Variants in FSTL4 observed in about 807,000 individuals in gnomAD.
FSTL4 encodes the protein follistatin-related protein 4.
FSTL4 carries 28 observed loss-of-function variants against 78.2 expected under a neutral mutation model. The observed-to-expected ratio is 0.36, with a 90% CI of 0.27 to 0.49. FSTL4 has a LOEUF of 0.49. Among genes scored for constraint, FSTL4 ranks in the 20% least tolerant of loss-of-function variants. The pLI, the probability that FSTL4 is intolerant of heterozygous loss-of-function variation, is 0.98. For synonymous variants in FSTL4, 422 were observed against 440.5 expected (o/e 0.96, Z 0.53); for missense variants, 922 against 1,084.9 (o/e 0.85, Z 2.11).
At position 133,259,902 on chromosome 5, in the gene FSTL4, G is replaced by A. The variant is rs78543687; in HGVS notation, c.728-10326C>T. ...TTCCTGTGGTGAAGCAGGCTGGGAG[G>A]GGAGGTCCAGGGACCCCACACAACA... On this transcript the variant is annotated intron_variant, in intron 6 of 15. Coordinates refer to ENST00000265342, the MANE Select transcript of FSTL4 (RefSeq NM_015082.2). Among the ~76,000 whole-genome samples, 148 of 152,202 alleles carry A rather than the reference G, an allele frequency of 9.7e-4. 1 individual carries two copies. The highest frequency in any genetic ancestry group is 3.4e-3 in the African/African-American group (142 of 41,530).
intron 4 of FSTL4, among the ~76,000 whole-genome samples, chr5:133,378,002 C>T (rs1458736135): frequency 6.6e-6 from 1 of 151,752 alleles, no homozygotes; most frequent in Non-Finnish European, 1.5e-5. Flanking sequence ...ATTCAATGTG[C>T]TAAAAAACAA....
chr5:133,553,702 C>T (rs927339736), intron 3 of FSTL4, among the ~76,000 whole-genome samples: 6 of 152,156 alleles, frequency 3.9e-5, no homozygotes, highest in African/African-American at 1.4e-4. Context: ...GTGCCCCCTC[C>T]CATATAATCT....
intron 8 of FSTL4, among the ~76,000 whole-genome samples, chr5:133,227,376 C>G (rs1050183253): frequency 1.3e-5 from 2 of 152,110 alleles, no homozygotes; most frequent in Non-Finnish European, 2.9e-5. Flanking sequence ...TTCTCTGACC[C>G]GTTTGATCCA....
chr5:133,713,004 A>C, the FSTL4 span, among the ~76,000 whole-genome samples: 2 of 152,202 alleles, frequency 1.3e-5, no homozygotes, highest in Non-Finnish European at 2.9e-5. Context: ...TACTCTTGAC[A>C]GCATAACCAA....
intron 3 of FSTL4, among the ~76,000 whole-genome samples, chr5:133,513,762 G>A (rs1480497621): frequency 4.6e-5 from 7 of 152,208 alleles, no homozygotes; most frequent in African/African-American, 1.7e-4. Flanking sequence ...GGGGATAGAG[G>A]TGGGAGTAGA....
At chr5:133,806,915 G>A in the FSTL4 span, among the ~76,000 whole-genome samples, 5 of 152,214 alleles carry the variant, frequency 3.3e-5, no homozygotes, top group African/African-American at 4.8e-5. Flanking sequence ...CCCAGTCTTT[G>A]CAGAGCCCAC....
chr5:133,304,298 T>C (rs1753610917), intron 6 of FSTL4, among the ~76,000 whole-genome samples: 1 of 152,196 alleles, frequency 6.6e-6, no homozygotes, highest in Non-Finnish European at 1.5e-5. Flanking sequence ...TTTACTAACA[T>C]TCAGAGAGCT....
At chr5:133,371,382 C>T (rs891953452) in intron 4 of FSTL4, among the ~76,000 whole-genome samples, 6 of 152,144 alleles carry the variant, frequency 3.9e-5, no homozygotes, top group South Asian at 4.1e-4. Flanking sequence ...ATGTAGGTCT[C>T]GTGAAATTTA....
chr5:133,617,118 G>T (rs1761213281), upstream of FSTL4, among the ~76,000 whole-genome samples: 1 of 151,982 alleles, frequency 6.6e-6, no homozygotes, highest in Admixed American at 6.6e-5. Flanking sequence ...GGCCAACATG[G>T]TGAAACTCCG....
the FSTL4 span, among the ~76,000 whole-genome samples, chr5:133,777,420 C>T: frequency 6.6e-6 from 1 of 152,070 alleles, no homozygotes; most frequent in Admixed American, 6.5e-5. Context: ...TTTCTTATAA[C>T]AGATATCAAT....
chr5:133,606,700 A>G (rs190436921), intron 1 of FSTL4, among the ~76,000 whole-genome samples: 83 of 152,374 alleles, frequency 5.4e-4, no homozygotes, highest in African/African-American at 1.8e-3. Context: ...CCTAGCTCAC[A>G]TAAACGAAAA....
At chr5:133,233,366 G>A in intron 8 of FSTL4, 51 bp downstream of exon 8, 1 of 1,605,408 alleles carries the variant, frequency 6.2e-7, no homozygotes, top group Non-Finnish European at 8.5e-7. Flanking sequence ...GATCTGAGCA[G>A]CAGTTTGGGG....
intron 3 of FSTL4, among the ~76,000 whole-genome samples, chr5:133,466,895 A>AGT (rs370779484): frequency 8.0e-5 from 12 of 150,644 alleles, no homozygotes; most frequent in East Asian, 5.9e-4. Context: ...TGTCAGTGTG[A>AGT]GTGTGTGTGT....
intron 4 of FSTL4, among the ~76,000 whole-genome samples, chr5:133,324,449 G>A (rs1361540626): frequency 6.6e-6 from 1 of 152,238 alleles, no homozygotes; most frequent in African/African-American, 2.4e-5. Context: ...TCACTGCAAG[G>A]TGTTTCTTCA....
intron 6 of FSTL4, among the ~76,000 whole-genome samples, chr5:133,282,500 A>T (rs1180057658): frequency 6.6e-6 from 1 of 152,226 alleles, no homozygotes; most frequent in Non-Finnish European, 1.5e-5. Context: ...AAAACTCAAA[A>T]TGCATTTTAA....
At chr5:133,385,816 A>G (rs1183584870) in intron 4 of FSTL4, among the ~76,000 whole-genome samples, 1 of 152,208 alleles carries the variant, frequency 6.6e-6, no homozygotes, top group African/African-American at 2.4e-5. Context: ...TCGAGTCAAG[A>G]GTGGCTAACA....
chr5:133,233,427 C>T lies in FSTL4; in HGVS notation c.1005G>A (p.Leu335=). Residue 335 remains leucine, a synonymous_variant, in exon 8 of 16, where the codon CTG becomes CTA. Transcript: ENST00000265342. ...GAGCCATTTACTAACCATTCACCTG[C>T]AGGACGTGGGTCTGGAACAGCTGCT... is the stretch of plus-strand genomic sequence containing the variant. The part of the protein sequence containing the change: ...GHEQLFQTHV[L]QVNVPPVIRV... 6.2e-7 allele frequency: 1 copy of T among 1,614,182 alleles called. No homozygotes were observed. Among genetic ancestry groups the T allele is most frequent in the Middle Eastern group, 1.7e-4 (1 of 6,032 alleles).
the FSTL4 span, among the ~76,000 whole-genome samples, chr5:133,757,868 C>A: frequency 6.6e-6 from 1 of 152,166 alleles, no homozygotes; most frequent in African/African-American, 2.4e-5. Context: ...GTACCACCTA[C>A]AAGGATTTTA....
chr5:133,217,183 G>C (rs745549035), intron 13 of FSTL4, 46 bp downstream of exon 13: 70 of 1,541,328 alleles, frequency 4.5e-5, no homozygotes, highest in Non-Finnish European at 6.0e-5. Flanking sequence ...GTGGCAGGCT[G>C]TGCCCCAGAA....
Sources: allele counts gnomAD v4.1 joint callset (sites outside exome capture counted in the v4.1 genomes callset), GRCh38; gene constraint gnomAD v4.1.1; transcripts MANE v1.5; gene names NCBI Gene and HGNC (gene_info 2026-07-23, HGNC 2026-07-21).